Variants in MECOM observed in about 807,000 individuals in gnomAD.
The protein encoded by MECOM is histone-lysine N-methyltransferase MECOM.
Under a neutral mutation model 116.3 loss-of-function variants are expected in MECOM, and 13 were observed. The ratio of observed to expected loss-of-function variants is 0.11; its 90% CI spans 0.07 to 0.18. The LOEUF (loss-of-function observed/expected upper bound fraction) is 0.18. MECOM is among the 10% of genes least tolerant of loss of function. MECOM has a pLI of 1.00. For synonymous variants in MECOM, 528 were observed against 535.2 expected, an observed-to-expected ratio of 0.99 and a Z score of 0.19; for missense variants, 1,299 against 1,509.0, an observed-to-expected ratio of 0.86 and a Z score of 2.31.
At chr3:169,491,216 A>T (rs752359067) in intron 1 of MECOM, among the ~76,000 whole-genome samples, 1 of 152,130 alleles carries the variant, frequency 6.6e-6, no homozygotes, top group Non-Finnish European at 1.5e-5. Context: ...GAAAAAGGAG[A>T]ATAGATATTG....
At chr3:169,549,664 G>A (rs1011026909) in intron 1 of MECOM, among the ~76,000 whole-genome samples, 4 of 152,070 alleles carry the variant, frequency 2.6e-5, no homozygotes, top group East Asian at 1.9e-4. Context: ...CTTGGAGAAG[G>A]GACAGCACAG....
intron 2 of MECOM, among the ~76,000 whole-genome samples, chr3:169,200,123 C>T (rs1748956364): frequency 6.6e-6 from 1 of 152,018 alleles, no homozygotes; most frequent in South Asian, 2.1e-4. Flanking sequence ...TCAAAGACAG[C>T]ATTAATTATT....
At chr3:169,147,253 G>T (rs1307205226) in intron 2 of MECOM, 11 of 985,460 alleles carry the variant, frequency 1.1e-5, no homozygotes, top group Non-Finnish European at 1.2e-5. Flanking sequence ...AAGGTGGGGG[G>T]CCTGGGGAGG....
chr3:169,295,518 A>G (rs1432824950), intron 2 of MECOM, among the ~76,000 whole-genome samples: 1 of 152,248 alleles, frequency 6.6e-6, no homozygotes, highest in African/African-American at 2.4e-5. Flanking sequence ...ATTTTTATAA[A>G]TGAATTAAAT....
At chr3:169,283,622 T>G (rs2149682969) in intron 2 of MECOM, among the ~76,000 whole-genome samples, 1 of 152,342 alleles carries the variant, frequency 6.6e-6, no homozygotes, top group South Asian at 2.1e-4. Context: ...ACAATTTTAC[T>G]GGCATCTCTC....
At chr3:169,403,867 A>G (rs1736255320) in intron 1 of MECOM, among the ~76,000 whole-genome samples, 2 of 152,238 alleles carry the variant, frequency 1.3e-5, no homozygotes, top group South Asian at 4.1e-4. Context: ...AATTTTAAGT[A>G]TATTTTCTTA....
At chr3:169,222,599 A>G (rs1030034849) in intron 2 of MECOM, among the ~76,000 whole-genome samples, 4 of 152,200 alleles carry the variant, frequency 2.6e-5, no homozygotes, top group Non-Finnish European at 2.9e-5. Flanking sequence ...GGTCAGTGTG[A>G]CATCATCTTT....
At chr3:169,326,977 C>A (rs1297772589) in intron 2 of MECOM, among the ~76,000 whole-genome samples, 1 of 152,138 alleles carries the variant, frequency 6.6e-6, no homozygotes, top group Admixed American at 6.5e-5. Flanking sequence ...GTTTGCCAAG[C>A]CTACTTTCAA....
chr3:169,465,310 T>C (rs1240039548), intron 1 of MECOM, among the ~76,000 whole-genome samples: 1 of 152,222 alleles, frequency 6.6e-6, no homozygotes, highest in African/African-American at 2.4e-5. Flanking sequence ...TTTGTAAAAC[T>C]GGGATAATAA....
chr3:169,198,931 C>T (rs1277255733), intron 2 of MECOM, among the ~76,000 whole-genome samples: 1 of 151,750 alleles, frequency 6.6e-6, no homozygotes, highest in Non-Finnish European at 1.5e-5. Flanking sequence ...TAAATAGGGA[C>T]CCAAGAGACA....
chr3:169,614,045 C>G (rs764176759), intron 1 of MECOM, among the ~76,000 whole-genome samples: 1 of 152,000 alleles, frequency 6.6e-6, no homozygotes, highest in Non-Finnish European at 1.5e-5. Context: ...CATCTCATTT[C>G]ACCATAAGAT....
chr3:169,195,161 C>A (rs1302555388), intron 2 of MECOM, among the ~76,000 whole-genome samples: 1 of 151,940 alleles, frequency 6.6e-6, no homozygotes, highest in Admixed American at 6.6e-5. Flanking sequence ...ACAAATATAC[C>A]TATTTTAGCT....
At chr3:169,483,218 T>G (rs1132682) in intron 1 of MECOM, among the ~76,000 whole-genome samples, 1 of 144,528 alleles carries the variant, frequency 6.9e-6, no homozygotes, top group Non-Finnish European at 1.5e-5. Context: ...TTTTTTTTTT[T>G]GCCCAGAAAC....
chr3:169,494,207 G>A (rs968186028), intron 1 of MECOM, among the ~76,000 whole-genome samples: 1 of 151,874 alleles, frequency 6.6e-6, no homozygotes, highest in Non-Finnish European at 1.5e-5. Context: ...ATTACCCAAA[G>A]GAAACACCTA....
At chr3:169,262,631 T>G (rs890846911) in intron 2 of MECOM, among the ~76,000 whole-genome samples, 7 of 152,080 alleles carry the variant, frequency 4.6e-5, no homozygotes, top group African/African-American at 1.7e-4. Flanking sequence ...CAGGGTGAAC[T>G]TAGAAGCCTT....
intron 2 of MECOM, among the ~76,000 whole-genome samples, chr3:169,168,964 C>A (rs1744019109): frequency 6.6e-6 from 1 of 151,306 alleles, no homozygotes; most frequent in Non-Finnish European, 1.5e-5. Flanking sequence ...GATAAAATAT[C>A]TTCATATAAT....
chr3:169,329,383 C>T (rs1335405044), intron 2 of MECOM, among the ~76,000 whole-genome samples: 2 of 152,134 alleles, frequency 1.3e-5, no homozygotes, highest in African/African-American at 4.8e-5. Flanking sequence ...GCTGTTTTGT[C>T]CATTAACCAA....
chr3:169,590,569 G>T (rs779733120), intron 1 of MECOM, among the ~76,000 whole-genome samples: 2 of 152,154 alleles, frequency 1.3e-5, no homozygotes, highest in Non-Finnish European at 2.9e-5. Context: ...TACAAAGGAG[G>T]ATGTATTTTT....
chr3:169,326,136 G>A (rs1246135166), intron 2 of MECOM, among the ~76,000 whole-genome samples: 1 of 152,160 alleles, frequency 6.6e-6, no homozygotes, highest in East Asian at 1.9e-4. Flanking sequence ...GCCTCTCGGT[G>A]GAGGCAACAG....
Sources: allele counts gnomAD v4.1 joint callset (sites outside exome capture counted in the v4.1 genomes callset), GRCh38; gene constraint gnomAD v4.1.1; transcripts MANE v1.5; gene names NCBI Gene and HGNC (gene_info 2026-07-23, HGNC 2026-07-21).